The following CLYBL variants were observed in gnomAD, a reference collection of about 807,000 sequenced individuals.
CLYBL encodes citramalyl-CoA lyase, mitochondrial.
In CLYBL, 31 loss-of-function variants were observed where a neutral mutation model predicts 38.9. The observed-to-expected ratio is 0.80, with a 90% CI of 0.60 to 1.08. The LOEUF (loss-of-function observed/expected upper bound fraction) is 1.08. Among genes scored for constraint, CLYBL ranks in the 50% least tolerant of loss-of-function variants. The probability of loss-of-function intolerance (pLI) is 0.00; values close to 1 mark genes in which losing one functional copy is unlikely to be tolerated. For missense variants in CLYBL, 434 were observed against 411.6 expected (o/e 1.05, Z -0.47); for synonymous variants, 171 against 158.6 (o/e 1.08, Z -0.59).
intron 2 of CLYBL, among the ~76,000 whole-genome samples, chr13:99,828,351 G>A (rs2050738206): frequency 6.6e-6 from 1 of 152,166 alleles, no homozygotes; most frequent in African/African-American, 2.4e-5. Context: ...TGTGGGTTAG[G>A]GGAATTTTCC....
At chr13:99,735,496 T>C (rs1438741578) in intron 1 of CLYBL, among the ~76,000 whole-genome samples, 1 of 139,434 alleles carries the variant, frequency 7.2e-6, no homozygotes, top group Non-Finnish European at 1.5e-5. Flanking sequence ...ACACCCAGCA[T>C]TTTTTTTTTT....
At chr13:99,883,565 C>G (rs1212541933) in intron 7 of CLYBL, among the ~76,000 whole-genome samples, 1 of 151,978 alleles carries the variant, frequency 6.6e-6, no homozygotes, top group East Asian at 1.9e-4. Flanking sequence ...AATGTCATCT[C>G]TCTTCCAGAT....
In CLYBL at chr13:99,846,286, ATT is replaced by A. The variant is rs5806139; in HGVS notation, c.250-12553_250-12552del. Among the ~76,000 whole-genome samples the A allele has an allele frequency of 1.5e-4, 16 of 108,152 alleles. No individual in the cohort carries two copies. The East Asian group carries it at 2.8e-3, about 19-fold the overall frequency. 71.0% of individuals were successfully genotyped at this position (108,152 alleles called of 152,430 possible). On this transcript the variant is annotated intron_variant, in intron 2 of 8. Coordinates refer to ENST00000339105, the MANE Select transcript of CLYBL (RefSeq NM_206808.5). ...CAATATTACCAAATATTGTGTGGAG[ATT>A]TTTTTTTTTTTTTTTTTTTTTGAGA...
intron 1 of CLYBL, among the ~76,000 whole-genome samples, chr13:99,681,856 G>A (rs1368770630): frequency 6.6e-6 from 1 of 151,950 alleles, no homozygotes; most frequent in Non-Finnish European, 1.5e-5. Flanking sequence ...ACAGTGCCAG[G>A]ATTACAGGTG....
chr13:99,898,498 T>C (rs1027510796), downstream of CLYBL, among the ~76,000 whole-genome samples: 1 of 152,184 alleles, frequency 6.6e-6, no homozygotes, highest in African/African-American at 2.4e-5. Context: ...CATCCATTTT[T>C]CCCCATCTAA....
intron 2 of CLYBL, among the ~76,000 whole-genome samples, chr13:99,783,005 G>A (rs939850241): frequency 1.7e-4 from 26 of 151,698 alleles, no homozygotes; most frequent in African/African-American, 6.0e-4. Flanking sequence ...TGTCTAATCC[G>A]TTTAACCCAT....
intron 9 of CLYBL, among the ~76,000 whole-genome samples, chr13:99,905,609 G>A (rs375217547): frequency 6.6e-6 from 1 of 151,316 alleles, no homozygotes; most frequent in South Asian, 2.1e-4. Flanking sequence ...GCCAAGAACC[G>A]AGCTCCAGGT....
chr13:99,784,700 C>T (rs139220603), intron 2 of CLYBL, among the ~76,000 whole-genome samples: 7,473 of 151,990 alleles, frequency 0.049, 527 homozygotes, highest in African/African-American at 0.15. Context: ...GTGATCCGCC[C>T]GCCTTGGCCT....
chr13:99,764,957 A>G (rs928880380), intron 1 of CLYBL, among the ~76,000 whole-genome samples: 2 of 151,990 alleles, frequency 1.3e-5, no homozygotes, highest in East Asian at 3.9e-4. Flanking sequence ...CCAAAGTGCT[A>G]AAATTGTAGG....
intron 1 of CLYBL, among the ~76,000 whole-genome samples, chr13:99,698,669 G>A (rs2048015777): frequency 6.6e-6 from 1 of 152,138 alleles, no homozygotes; most frequent in Non-Finnish European, 1.5e-5. Context: ...AATTTATTGT[G>A]TGTGGCTTTA....
chr13:99,725,391 A>G (rs2048456107), intron 1 of CLYBL, among the ~76,000 whole-genome samples: 10 of 152,134 alleles, frequency 6.6e-5, no homozygotes, highest in Admixed American at 6.5e-4. Flanking sequence ...AGGAAAAGTG[A>G]GGGCTAACAA....
intron 7 of CLYBL, among the ~76,000 whole-genome samples, chr13:99,886,800 G>C (rs770584858): frequency 6.6e-6 from 1 of 152,148 alleles, no homozygotes; most frequent in Non-Finnish European, 1.5e-5. Context: ...CCTTTTCTCC[G>C]ATTCTTGTTG....
Position 99,716,169 on chromosome 13 carries a change from A to ATTTTTTTTTTTTTTTTTTTTTT in CLYBL, c.63-56638_63-56617dup, listed in dbSNP as rs4001024. 9.0e-5 allele frequency among the ~76,000 whole-genome samples: 3 copies of ATTTTTTTTTTTTTTTTTTTTTT among 33,464 alleles called. 1 individual carries two copies. Among genetic ancestry groups the ATTTTTTTTTTTTTTTTTTTTTT allele is most frequent in the Non-Finnish European group, 1.8e-4 (3 of 16,382 alleles). The allele number at this position is 33,464 out of a possible 152,430, so 22.0% of individuals were successfully genotyped here. On this transcript the variant is annotated intron_variant, in intron 1 of 8. Transcript: ENST00000339105. ...AAATTGTCCTTGCTTTATTGGTGTA[A>ATTTTTTTTTTTTTTTTTTTTTT]TTTTTTTTTTTTTTTTTTTTTTTTT... is the stretch of plus-strand genomic sequence containing the variant.
chr13:99,854,940 G>A lies in CLYBL; in HGVS notation c.250-3921G>A, dbSNP rs72653997. 6.2e-3 allele frequency among the ~76,000 whole-genome samples: 943 copies of A among 152,236 alleles called. 5 individuals carry two copies. Among genetic ancestry groups the A allele is most frequent in the Admixed American group, 9.3e-3 (142 of 15,286 alleles). ...TCCACTGCACTGAGCAGCATGGCAC[G>A]AAATATCGATTGAATGCGGCAACTT... On this transcript the variant is annotated intron_variant, in intron 2 of 8. Coordinates refer to ENST00000339105, the MANE Select transcript of CLYBL (RefSeq NM_206808.5).
intron 2 of CLYBL, among the ~76,000 whole-genome samples, chr13:99,829,740 A>C (rs1408762407): frequency 6.6e-6 from 1 of 152,196 alleles, no homozygotes; most frequent in Non-Finnish European, 1.5e-5. Flanking sequence ...AAGGATCAGG[A>C]GCTGAACAAG....
At position 99,710,074 on chromosome 13, in the gene CLYBL, G is replaced by A. The variant is rs549161323; in HGVS notation, c.63-62750G>A. ...CGAGTAGCTGGGGCTACAGGCGCCC[G>A]CCACCAAGCCCGGCTAATTTTTTGT... On this transcript the variant is annotated intron_variant, in intron 1 of 8. Coordinates refer to ENST00000339105, the MANE Select transcript of CLYBL (RefSeq NM_206808.5). 1.7e-3 allele frequency among the ~76,000 whole-genome samples: 258 copies of A among 151,984 alleles called. 1 individual carries two copies. Among genetic ancestry groups the A allele is most frequent in the African/African-American group, 6.1e-3 (251 of 41,486 alleles).
chr13:99,650,757 T>C (rs548792279), intron 1 of CLYBL, among the ~76,000 whole-genome samples: 1 of 152,294 alleles, frequency 6.6e-6, no homozygotes, highest in African/African-American at 2.4e-5. Flanking sequence ...TCTTTTTTTC[T>C]GGGACTCTCC....
chr13:99,833,028 ATATTTTTTTTTTTTTTT>A (rs2050850376), intron 2 of CLYBL, among the ~76,000 whole-genome samples: 2 of 36,088 alleles, frequency 5.5e-5, no homozygotes, highest in Non-Finnish European at 9.9e-5. Context: ...ATATATATAT[ATATTTTTTTTTTTTTTT>A]TTTTTTTTTT....
chr13:99,812,520 T>C (rs2050363009), intron 2 of CLYBL, among the ~76,000 whole-genome samples: 2 of 152,156 alleles, frequency 1.3e-5, no homozygotes, highest in African/African-American at 4.8e-5. Context: ...GCAGGACTTT[T>C]CTCCTCCCTG....
Sources: gnomAD v4.1 joint callset for allele counts (sites outside exome capture counted in the v4.1 genomes callset) on GRCh38, gnomAD v4.1.1 for gene constraint, MANE v1.5 for transcripts, NCBI Gene and HGNC (gene_info 2026-07-23, HGNC 2026-07-21) for gene names.